The following PHACTR2 variants were observed in gnomAD, a reference collection of about 807,000 sequenced individuals.
The protein encoded by PHACTR2 is chromosome 6 open reading frame 56.
In PHACTR2, 30 loss-of-function variants were observed where a neutral mutation model predicts 76.0. The ratio of observed to expected loss-of-function variants is 0.39; its 90% CI spans 0.30 to 0.54. PHACTR2 has a LOEUF of 0.54. Among genes scored for constraint, PHACTR2 ranks in the 20% least tolerant of loss-of-function variants. PHACTR2 has a pLI of 0.61. For synonymous variants in PHACTR2, 292 were observed against 292.5 expected, an observed-to-expected ratio of 1.00 and a Z score of 0.02; for missense variants, 696 against 781.1, an observed-to-expected ratio of 0.89 and a Z score of 1.30.
chr6:143,735,243 C>T (rs1260829377), intron 2 of PHACTR2, among the ~76,000 whole-genome samples: 1 of 151,774 alleles, frequency 6.6e-6, no homozygotes, highest in Non-Finnish European at 1.5e-5. Context: ...TTACTTAGTA[C>T]CCATAAGACA....
intron 11 of PHACTR2, among the ~76,000 whole-genome samples, chr6:143,805,090 G>A (rs909498094): frequency 6.6e-6 from 1 of 152,086 alleles, no homozygotes; most frequent in Non-Finnish European, 1.5e-5. Context: ...GACTCCCAGT[G>A]GACCGCTTTT....
intron 5 of PHACTR2, among the ~76,000 whole-genome samples, chr6:143,763,875 G>A (rs987786392): frequency 6.6e-6 from 1 of 152,112 alleles, no homozygotes; most frequent in Non-Finnish European, 1.5e-5. Flanking sequence ...TTTTCTAATC[G>A]TTCTGTGAAA....
In PHACTR2 at chr6:143,760,536, A is replaced by G; in HGVS notation, c.590A>G (p.Lys197Arg). 6.2e-7 allele frequency: 1 copy of G among 1,613,914 alleles called. No individual in the cohort carries two copies. The highest frequency in any genetic ancestry group is 2.2e-5 in the East Asian group (1 of 44,870). ...GGGGCCACTGCTGGGGCCAGCCACA[A>G]AGGTGATGAAGTGCCTCCCATTAAA... is the stretch of plus-strand genomic sequence containing the variant. ...PKGATAGASH[K>R]GDEVPPIKKN... Residue 197 changes from lysine to arginine, a missense_variant, in exon 5 of 13, where the codon AAA becomes AGA. Lys to Arg is a conservative substitution (Grantham distance 26, BLOSUM62 2). This residue lies in a region of PHACTR2 where 460 missense variants were observed against 450.9 expected (regional missense o/e 1.02). Transcript: ENST00000440869. The surrounding 1 kb of genome is among the most constrained non-coding windows in gnomAD (Gnocchi z 6.4).
chr6:143,813,623 A>G (rs1424215714), intron 12 of PHACTR2, among the ~76,000 whole-genome samples: 2 of 151,310 alleles, frequency 1.3e-5, no homozygotes, highest in African/African-American at 2.4e-5. Context: ...GCCTCAAAAA[A>G]AAAAAAAAAA....
chr6:143,573,523 G>T (rs918274628), intron 1 of PHACTR2, among the ~76,000 whole-genome samples: 2 of 152,090 alleles, frequency 1.3e-5, no homozygotes, highest in African/African-American at 4.8e-5. Flanking sequence ...TTAAGCCTGA[G>T]GCCAGCCCTA....
At chr6:143,712,621 C>T (rs899716509) in intron 2 of PHACTR2, among the ~76,000 whole-genome samples, 5 of 151,686 alleles carry the variant, frequency 3.3e-5, no homozygotes, top group South Asian at 2.1e-4. Flanking sequence ...ATACACATAA[C>T]GTAATGTTAA....
rs757029152 is a variant in PHACTR2, at chr6:143,730,465, G to T, written c.214+18282G>T. Among the ~76,000 whole-genome samples, 28 of 152,134 alleles carry T rather than the reference G, an allele frequency of 1.8e-4. No homozygotes were observed. Among genetic ancestry groups the T allele is most frequent in the Non-Finnish European group, 3.7e-4 (25 of 67,996 alleles). On this transcript the variant is annotated intron_variant, in intron 2 of 12. Coordinates refer to ENST00000440869, the MANE Select transcript of PHACTR2 (RefSeq NM_001100164.2). The surrounding 1 kb of genome is among the most constrained non-coding windows in gnomAD (Gnocchi z 4.8). ...TATTTTTAAATGTCAATTTCCAGTT[G>T]TTCCTTGTATCATGCTACCTTATTA...
In PHACTR2 at chr6:143,803,408, C is replaced by T. The variant is rs1301810176; in HGVS notation, c.1846-3649C>T. 6.6e-6 allele frequency among the ~76,000 whole-genome samples: 1 copy of T among 152,080 alleles called. No homozygotes were observed. The highest frequency in any genetic ancestry group is 1.5e-5 in the Non-Finnish European group (1 of 68,022). ...CAAAAGATACAAAAAATTAGCCAGG[C>T]ATGATGGCGCACACCTGTAGGCCCA... On this transcript the variant is annotated intron_variant, in intron 11 of 12. Coordinates refer to ENST00000440869, the MANE Select transcript of PHACTR2 (RefSeq NM_001100164.2). This position sits in a 1 kb window ranked among gnomAD's most constrained non-coding sequence, Gnocchi z 4.7.
At position 143,597,408 on chromosome 6, in the gene PHACTR2, G is replaced by A. The variant is rs1483774377; in HGVS notation, c.217+60201G>A. Among the ~76,000 whole-genome samples, 1 of 152,114 alleles carries A rather than the reference G, an allele frequency of 6.6e-6. No homozygotes were observed. Among genetic ancestry groups the A allele is most frequent in the Admixed American group, 6.5e-5 (1 of 15,280 alleles). The stretch of plus-strand genomic sequence containing the variant: ...ATTAAATGTGATTTCTTTTATTCAA[G>A]GTGAATATCATCCTCTACCCACAGA... On this transcript the variant is annotated intron_variant, in intron 1 of 11. Transcript: ENST00000367584. This position sits in a 1 kb window ranked among gnomAD's most constrained non-coding sequence, Gnocchi z 5.7.
chr6:143,649,986 G>C (rs1428756153), intron 1 of PHACTR2, among the ~76,000 whole-genome samples: 1 of 152,180 alleles, frequency 6.6e-6, no homozygotes, highest in African/African-American at 2.4e-5. Flanking sequence ...AGCAACTTCA[G>C]CAAAGTCTCA....
rs1775921288 is a variant in PHACTR2 at position 143,608,451 on chromosome 6, A to C, written c.13+129A>C. On this transcript the variant is annotated intron_variant, in intron 1 of 11. Coordinates refer to the PHACTR2 transcript ENST00000305766. The surrounding 1 kb of genome is among the most constrained non-coding windows in gnomAD (Gnocchi z 4.6). ...AAATGTTCAAGACTGAGACGCGTGT[A>C]ATATGTGAACCCCGATGCATTGTCC... The C allele has an allele frequency of 4.5e-6, 4 of 880,954 alleles. No individual in the cohort carries two copies. The East Asian group carries it at 1.0e-4, about 23-fold the overall frequency. The allele number at this position is 880,954 out of a possible 1,614,324, so 54.6% of individuals were successfully genotyped here.
chr6:143,587,943 G>A (rs1473826625), intron 1 of PHACTR2, among the ~76,000 whole-genome samples: 3 of 151,970 alleles, frequency 2.0e-5, no homozygotes, highest in Non-Finnish European at 4.4e-5. Context: ...AGTTCGGGAA[G>A]CAGTGGTTGC....
chr6:143,790,301 TA>T (rs1775652512), intron 11 of PHACTR2, among the ~76,000 whole-genome samples: 1 of 152,228 alleles, frequency 6.6e-6, no homozygotes, highest in East Asian at 1.9e-4. Flanking sequence ...AACAATTTTT[TA>T]TGTGGTGAAG....
chr6:143,699,892 G>A (rs565886288), intron 1 of PHACTR2, among the ~76,000 whole-genome samples: 26 of 152,266 alleles, frequency 1.7e-4, no homozygotes, highest in South Asian at 6.2e-4. Flanking sequence ...TGGGGACTCC[G>A]TATGACTAAT....
chr6:143,749,162 T>C (rs1428085829), intron 3 of PHACTR2, 97 bp downstream of exon 3: 1 of 693,578 alleles, frequency 1.4e-6, no homozygotes, highest in Non-Finnish European at 2.6e-6. Context: ...ATGGTCTTTG[T>C]AAGGTAAAGC....
chr6:143,650,527 A>G (rs904133615), intron 1 of PHACTR2, among the ~76,000 whole-genome samples: 6 of 152,184 alleles, frequency 3.9e-5, no homozygotes, highest in Non-Finnish European at 8.8e-5. Context: ...AACTAAGACC[A>G]CACACCTATA....
rs961651075 is a variant in PHACTR2 at position 143,760,425 on chromosome 6, C to A, written c.479C>A (p.Thr160Lys). 1 of 1,612,496 alleles carries A rather than the reference C, an allele frequency of 6.2e-7. No homozygotes were observed. Among genetic ancestry groups the A allele is most frequent in the Admixed American group, 1.7e-5 (1 of 59,700 alleles). Residue 160 changes from threonine (T) to lysine (K), a missense_variant, in exon 5 of 13, where the codon ACA (threonine) becomes AAA (lysine). By Grantham distance (78) the Thr-to-Lys change is moderately conservative. Coordinates refer to ENST00000440869, the MANE Select transcript of PHACTR2 (RefSeq NM_001100164.2). This position sits in a 1 kb window ranked among gnomAD's most constrained non-coding sequence, Gnocchi z 6.4. ...GAGAACACTGAAAACCACTCTGAAA[C>A]ACCGGCAGCTCCTGCTCTACCTCCT... ...KKENTENHSE[T>K]PAAPALPPSA...
chr6:143,586,739 G>A (rs531583633), intron 1 of PHACTR2, among the ~76,000 whole-genome samples: 4 of 152,284 alleles, frequency 2.6e-5, no homozygotes, highest in Non-Finnish European at 1.5e-5. Context: ...GAAAAGGGGC[G>A]GTAACTCCCA....
intron 1 of PHACTR2, among the ~76,000 whole-genome samples, chr6:143,588,129 A>G (rs1356547768): frequency 1.3e-5 from 2 of 152,172 alleles, no homozygotes; most frequent in Non-Finnish European, 2.9e-5. Flanking sequence ...TATACTTAAG[A>G]TCATTGATCT....
Sources: gnomAD v4.1 joint callset for allele counts (sites outside exome capture counted in the v4.1 genomes callset) on GRCh38, gnomAD v4.1.1 for gene constraint, gnomAD v4.1.1 regional missense constraint, Gnocchi (gnomAD v3.1) non-coding constraint, MANE v1.5 for transcripts, NCBI Gene and HGNC (gene_info 2026-07-23, HGNC 2026-07-21) for gene names.